The following PML variants were observed in gnomAD, a reference collection of about 807,000 sequenced individuals.
PML encodes PML nuclear body scaffold.
In PML, 28 loss-of-function variants were observed where a neutral mutation model predicts 65.2. The ratio of observed to expected loss-of-function variants is 0.43; its 90% CI spans 0.32 to 0.59. PML has a LOEUF of 0.59. PML is among the 20% of genes least tolerant of loss of function. The probability of loss-of-function intolerance (pLI) is 0.08; values close to 1 mark genes in which losing one functional copy is unlikely to be tolerated. For synonymous variants in PML, 500 were observed against 508.8 expected, an observed-to-expected ratio of 0.98 and a Z score of 0.23; for missense variants, 1,021 against 1,203.4, an observed-to-expected ratio of 0.85 and a Z score of 2.24.
chr15:74,010,185 ATTTTTTTTTTT>A lies in PML; in HGVS notation c.602+11727_602+11737del, dbSNP rs536738558. 3.1e-4 allele frequency among the ~76,000 whole-genome samples: 24 copies of A among 77,938 alleles called. No homozygotes were observed. The East Asian group carries it at 3.6e-3, about 12-fold the overall frequency. 51.1% of individuals were successfully genotyped at this position (77,938 alleles called of 152,430 possible). A position where few individuals can be genotyped will look rare whatever the true frequency, so the allele number is the denominator to read the frequency against. ...AGACATGCACCACCATGCCCAGCTA[ATTTTTTTTTTT>A]TTTTTTTTTTTTTTTTTGTAGAGAT... On this transcript the variant is annotated intron_variant, in intron 2 of 8. Coordinates refer to ENST00000268058, the MANE Select transcript of PML (RefSeq NM_033238.3).
In PML at chr15:74,024,915, T is replaced by A; in HGVS notation, c.1242T>A (p.Ile414=). Residue 414 remains isoleucine, a synonymous_variant, in exon 4 of 9, where the codon ATT becomes ATA. Transcript: ENST00000268058. ...CTGCCAGCACTCCCAGGGACCCTAT[T>A]GACGTTGACCTGGTGAGATGGGTTT... ...PEAASTPRDP[I]DVDLPEEAER... The A allele has an allele frequency of 6.2e-7, 1 of 1,612,870 alleles. No homozygotes were observed. Among genetic ancestry groups the A allele is most frequent in the East Asian group, 2.2e-5 (1 of 44,862 alleles).
chr15:73,998,266 G>C lies in PML; in HGVS notation c.392G>C (p.Arg131Pro). ...GTGGATGCGCAGGCTGTGTGCACCC[G>C]CTGCAAAGAGTCGGCCGACTTCTGG... ...QIVDAQAVCT[R>P]CKESADFWCF... The change falls in exon 2 of 9, where the codon CGC (arginine) becomes CCC (proline). Residue 131 changes from arginine (R) to proline (P), a missense_variant. Physicochemically the swap from Arg to Pro is moderately radical, Grantham distance 103. Coordinates refer to ENST00000268058, the MANE Select transcript of PML (RefSeq NM_033238.3). 1 of 1,614,198 alleles carries C rather than the reference G, an allele frequency of 6.2e-7. No individual in the cohort carries two copies. Among genetic ancestry groups the C allele is most frequent in the Non-Finnish European group, 8.5e-7 (1 of 1,180,020 alleles).
chr15:74,030,827 GATAAAATTCAT>G (rs1019667134), intron 4 of PML, among the ~76,000 whole-genome samples: 32 of 151,872 alleles, frequency 2.1e-4, no homozygotes, highest in African/African-American at 7.3e-4. Context: ...TTTTTATGGC[GATAAAATTCAT>G]ATAAAATTCA....
intron 7 of PML, chr15:74,036,071 A>T (rs1321392389): frequency 1.2e-6 from 2 of 1,613,940 alleles, no homozygotes; most frequent in African/African-American, 2.7e-5. Context: ...TTCTTGGTTA[A>T]GGAATGAATC....
chr15:74,007,566 C>T (rs1221195483), intron 2 of PML, among the ~76,000 whole-genome samples: 1 of 152,248 alleles, frequency 6.6e-6, no homozygotes, highest in African/African-American at 2.4e-5. Flanking sequence ...CCTCTGGTCA[C>T]AAGTCAGTTA....
rs770677767 is a variant in PML at position 74,035,763 on chromosome 15, G to C, written c.1710+1233G>C. ...CCAGCTTGACATGTCTTCCGTGGTG[G>C]GGGCAGGGGAAAGCAGAGCCCAGAC... On this transcript the variant is annotated intron_variant, in intron 7 of 8. Coordinates refer to ENST00000268058, the MANE Select transcript of PML (RefSeq NM_033238.3). The surrounding 1 kb of genome is among the most constrained non-coding windows in gnomAD (Gnocchi z 4.1). 12 of 1,614,124 alleles carry C rather than the reference G, an allele frequency of 7.4e-6. No individual in the cohort carries two copies. The highest frequency in any genetic ancestry group is 1.7e-5 in the Admixed American group (1 of 60,030).
In PML at chr15:73,994,839, G is replaced by A. The variant is rs2069390496; in HGVS notation, c.27G>A (p.Pro9=). The A allele has an allele frequency of 1.3e-6, 2 of 1,558,572 alleles. No homozygotes were observed. The highest frequency in any genetic ancestry group is 2.4e-5 in the South Asian group (2 of 84,572). ...TGGAGCCTGCACCCGCCCGATCTCC[G>A]AGGCCCCAGCAGGACCCCGCCCGGC... MEPAPARS[P]RPQQDPARPQ... is the part of the protein sequence containing the mutation. Residue 9 remains proline (P), a synonymous_variant, in exon 1 of 9, where the codon CCG becomes CCA. Transcript: ENST00000268058.
At position 74,035,230 on chromosome 15, in the gene PML, C is replaced by A; in HGVS notation, c.1710+700C>A. On this transcript the variant is annotated intron_variant, in intron 7 of 8. Coordinates refer to ENST00000268058, the MANE Select transcript of PML (RefSeq NM_033238.3). The surrounding 1 kb of genome is among the most constrained non-coding windows in gnomAD (Gnocchi z 4.1). ...TCCTCGCCAGCCCACTCCTCGCCAG[C>A]CCACTCCTCGCCAGCCCACTCCTCG... 6.3e-7 allele frequency: 1 copy of A among 1,585,256 alleles called. No homozygotes were observed.
chr15:74,004,441 T>C (rs2069936787), intron 2 of PML, among the ~76,000 whole-genome samples: 1 of 151,848 alleles, frequency 6.6e-6, no homozygotes, highest in South Asian at 2.1e-4. Context: ...GCTAGGACTA[T>C]AGGTGCCTGC....
intron 7 of PML, among the ~76,000 whole-genome samples, chr15:74,036,691 C>T (rs1048583723): frequency 6.6e-6 from 1 of 152,270 alleles, no homozygotes; most frequent in East Asian, 1.9e-4. Context: ...TGAGGGCAGA[C>T]GTGAGCATTC....
At chr15:74,036,902 C>T (rs2071579777) in intron 7 of PML, 1 of 982,582 alleles carries the variant, frequency 1.0e-6, no homozygotes, top group South Asian at 4.7e-5. Context: ...CAGACTCTGA[C>T]CGCAGCCTCC....
At position 74,042,903 on chromosome 15, in the gene PML, C is replaced by T; in HGVS notation, c.1711-86C>T. On this transcript the variant is annotated intron_variant, in intron 7 of 8. Transcript: ENST00000268058. This position sits in a 1 kb window ranked among gnomAD's most constrained non-coding sequence, Gnocchi z 5.3. ...CCTCCTTCATGTGCACGCAGATGCTCCCAGCTATACCAGCTTGCTAGTGTT... is the reference window on the plus strand; with the variant it reads ...CCTCCTTCATGTGCACGCAGATGCTTCCAGCTATACCAGCTTGCTAGTGTT... 1 of 1,608,634 alleles carries T rather than the reference C, an allele frequency of 6.2e-7. No homozygotes were observed. Among genetic ancestry groups the T allele is most frequent in the Non-Finnish European group, 8.5e-7 (1 of 1,179,526 alleles).
In PML at chr15:74,037,344, G is replaced by A. The variant is rs1054915030; in HGVS notation, c.1710+2814G>A. 3 of 985,198 alleles carry A rather than the reference G, an allele frequency of 3.0e-6. No individual in the cohort carries two copies. Among genetic ancestry groups the A allele is most frequent in the Admixed American group, 6.1e-5 (1 of 16,268 alleles). 61.0% of individuals were successfully genotyped at this position (985,198 alleles called of 1,614,324 possible). On this transcript the variant is annotated intron_variant, in intron 7 of 8. Coordinates refer to ENST00000268058, the MANE Select transcript of PML (RefSeq NM_033238.3). This position sits in a 1 kb window ranked among gnomAD's most constrained non-coding sequence, Gnocchi z 4.2. ...TCCCTGCCCTCGTTAGGGTGGAAGG[G>A]ATGTCCACCTGCCTCCAGGACTCAC...
chr15:74,043,749 T>C lies in PML; in HGVS notation c.1862-472T>C. ...TGTTTTCATGGTACAGAAAAGTCAT[T>C]TGCAGACCTCAGTGGGAGGCTCTTG... On this transcript the variant is annotated intron_variant, in intron 8 of 8. Transcript: ENST00000268058. The surrounding 1 kb of genome is among the most constrained non-coding windows in gnomAD (Gnocchi z 4.3). 3.8e-6 allele frequency: 2 copies of C among 529,594 alleles called. No individual in the cohort carries two copies. Among genetic ancestry groups the C allele is most frequent in the South Asian group, 2.8e-5 (2 of 71,692 alleles). The allele number at this position is 529,594 out of a possible 1,614,324, so 32.8% of individuals were successfully genotyped here.
At chr15:73,996,407 T>C (rs1240064257) in intron 1 of PML, among the ~76,000 whole-genome samples, 2 of 152,254 alleles carry the variant, frequency 1.3e-5, no homozygotes, top group Admixed American at 6.5e-5. Flanking sequence ...GTCAGATGAT[T>C]GAAGCCTGTA....
chr15:74,005,756 AC>A (rs1456315198), intron 2 of PML, among the ~76,000 whole-genome samples: 2 of 152,152 alleles, frequency 1.3e-5, no homozygotes, highest in East Asian at 3.8e-4. Flanking sequence ...TTCAATGGGT[AC>A]TTGCTCAGTT....
intron 2 of PML, among the ~76,000 whole-genome samples, chr15:74,015,142 C>G (rs1435003618): frequency 6.6e-6 from 1 of 152,212 alleles, no homozygotes; most frequent in Non-Finnish European, 1.5e-5. Flanking sequence ...GCTTTCCCCT[C>G]TCCAACACTA....
Position 73,994,737 on chromosome 15 carries a change from T to C in PML, c.-76T>C, listed in dbSNP as rs558192870. 676 of 1,498,416 alleles carry C rather than the reference T, an allele frequency of 4.5e-4. 11 individuals are homozygous for C. In the South Asian group the frequency reaches 7.5e-3, roughly 17 times the overall value. 92.8% of individuals were successfully genotyped at this position (1,498,416 alleles called of 1,614,324 possible). On this transcript the variant is annotated 5_prime_UTR_variant, in exon 1 of 9. Coordinates refer to ENST00000268058, the MANE Select transcript of PML (RefSeq NM_033238.3). ...GGACAGCTCAAGGGACTCAGCCAAC[T>C]GGCTCACGCCTCCCCTTCAGCTTCT...
intron 6 of PML, 132 bp from the exon 7 acceptor site, chr15:74,034,346 T>G (rs1483115330): frequency 6.3e-4 from 708 of 1,123,368 alleles, no homozygotes; most frequent in Middle Eastern, 4.3e-4. Flanking sequence ...ACAGTGGCTG[T>G]TCCCGTCCCC....
Sources: gnomAD v4.1 joint callset for allele counts (sites outside exome capture counted in the v4.1 genomes callset) on GRCh38, gnomAD v4.1.1 for gene constraint, Gnocchi (gnomAD v3.1) non-coding constraint, MANE v1.5 for transcripts, NCBI Gene and HGNC (gene_info 2026-07-23, HGNC 2026-07-21) for gene names.